SS18: variants seen among roughly 807,000 people sequenced by gnomAD.
SS18 encodes protein SSXT.
In SS18, 28 loss-of-function variants were observed where a neutral mutation model predicts 72.5. That is an observed-to-expected ratio of 0.39 (90% CI 0.29 to 0.53). The LOEUF is 0.53. Ranked by LOEUF, SS18 falls within the 20% of genes least tolerant of loss-of-function variation. The probability of loss-of-function intolerance (pLI) is 0.76; values close to 1 mark genes in which losing one functional copy is unlikely to be tolerated. For synonymous variants in SS18, 172 were observed against 164.2 expected, an observed-to-expected ratio of 1.05 and a Z score of -0.37; for missense variants, 518 against 535.3, an observed-to-expected ratio of 0.97 and a Z score of 0.32.
intron 3 of SS18, among the ~76,000 whole-genome samples, chr18:26,058,175 G>A (rs190838613): frequency 3.5e-4 from 53 of 152,108 alleles, no homozygotes; most frequent in Non-Finnish European, 6.0e-4. Flanking sequence ...ACACTATTTC[G>A]GGGTGGAGGA....
intron 9 of SS18, among the ~76,000 whole-genome samples, chr18:26,033,236 T>C (rs2053573369): frequency 6.6e-6 from 1 of 152,168 alleles, no homozygotes; most frequent in Non-Finnish European, 1.5e-5. Flanking sequence ...TAGTTGGGCT[T>C]GGCGCAGTGG....
At chr18:26,064,888 G>A (rs958781003) in intron 3 of SS18, 5 of 151,812 alleles carry the variant, frequency 3.3e-5, no homozygotes, top group African/African-American at 1.2e-4. Flanking sequence ...TAAACCATTA[G>A]AATAAGTGAA....
chr18:26,023,348 TGA>T (rs1320053416), intron 10 of SS18, among the ~76,000 whole-genome samples: 3 of 152,178 alleles, frequency 2.0e-5, no homozygotes. Context: ...TGACAAAGTC[TGA>T]GATAACACTC....
At chr18:26,021,539 A>G (rs1032419452) in intron 10 of SS18, among the ~76,000 whole-genome samples, 6 of 152,216 alleles carry the variant, frequency 3.9e-5, no homozygotes, top group Non-Finnish European at 8.8e-5. Flanking sequence ...TTTTTAAAAA[A>G]AATTCCTCTG....
intron 2 of SS18, among the ~76,000 whole-genome samples, chr18:26,079,574 C>T: frequency 6.6e-6 from 1 of 151,828 alleles, no homozygotes. Context: ...TTCTTTTGTT[C>T]GTTTTTGGTT....
At chr18:26,087,680 C>T (rs2054640585) in intron 1 of SS18, 103 bp from the exon 2 acceptor site, 3 of 676,232 alleles carry the variant, frequency 4.4e-6, no homozygotes, top group Non-Finnish European at 5.2e-6. Flanking sequence ...ACTGCTTGTA[C>T]AAGAACTCTA....
chr18:26,031,421 C>A (rs1468762724), intron 10 of SS18, among the ~76,000 whole-genome samples: 1 of 152,124 alleles, frequency 6.6e-6, no homozygotes, highest in Non-Finnish European at 1.5e-5. Context: ...CCCTGAAAGC[C>A]TAAACTGCAT....
At chr18:26,083,354 G>A (rs2144172217) in intron 2 of SS18, among the ~76,000 whole-genome samples, 1 of 152,228 alleles carries the variant, frequency 6.6e-6, no homozygotes, top group East Asian at 1.9e-4. Context: ...CCTTGGCTCT[G>A]TGTGGAGTTC....
intron 5 of SS18, among the ~76,000 whole-genome samples, chr18:26,042,354 C>T (rs1050695957): frequency 3.3e-5 from 5 of 152,070 alleles, no homozygotes; most frequent in Admixed American, 2.0e-4. Flanking sequence ...GATGTTAAGA[C>T]GCACTACAAA....
At chr18:26,082,694 C>T (rs1276829236) in intron 2 of SS18, among the ~76,000 whole-genome samples, 1 of 152,164 alleles carries the variant, frequency 6.6e-6, no homozygotes, top group African/African-American at 2.4e-5. Flanking sequence ...AGACCACTGA[C>T]TCATGAGTGT....
Position 26,051,506 on chromosome 18 carries a change from G to A in SS18, c.607+1118C>T, listed in dbSNP as rs574965154. Among the ~76,000 whole-genome samples the A allele has an allele frequency of 5.3e-5, 8 of 152,146 alleles. No homozygotes were observed. The South Asian group carries it at 1.2e-3, about 24-fold the overall frequency. ...TAACTATAGGTTTCTAAGAAGTTAA[G>A]AAGTGTGCCATCATTAATGGAGTTG... is the stretch of plus-strand genomic sequence containing the variant. On this transcript the variant is annotated intron_variant, in intron 5 of 10. Coordinates refer to ENST00000415083, the MANE Select transcript of SS18 (RefSeq NM_001007559.3).
At chr18:26,029,456 G>GT (rs1456045344) in intron 10 of SS18, among the ~76,000 whole-genome samples, 1 of 152,178 alleles carries the variant, frequency 6.6e-6, no homozygotes, top group Admixed American at 6.5e-5. Context: ...AGTGCTAGTT[G>GT]TGACTTTTGA....
rs1555643837 is a variant in SS18 at position 26,027,703 on chromosome 18, A to AAAAAAAAAAAAAGAC, written c.1230+4695_1230+4696insGTCTTTTTTTTTTTT. On this transcript the variant is annotated intron_variant, in intron 10 of 10. Transcript: ENST00000415083. Reference sequence around the variant, plus strand: ...AAAAAAAAAAAAAAAAAAAAAAAAAAAGTCTTTTCAACAAATGACTCTGAG... The same window carrying AAAAAAAAAAAAAGAC: ...AAAAAAAAAAAAAAAAAAAAAAAAAAAAAAAAAAAAAAGACAGTCTTTTCAACAAATGACTCTGAG... 4.0e-5 allele frequency among the ~76,000 whole-genome samples: 5 copies of AAAAAAAAAAAAAGAC among 124,698 alleles called. 1 individual carries two copies. Among genetic ancestry groups the AAAAAAAAAAAAAGAC allele is most frequent in the African/African-American group, 1.8e-4 (5 of 28,006 alleles). The allele number at this position is 124,698 out of a possible 152,430, so 81.8% of individuals were successfully genotyped here.
rs1450746755 is a variant in SS18, at chr18:26,056,406, T to C, written c.385+1183A>G. ...GCAAGAAGCTTTCTCTTGACTACAA[T>C]ATGACTACAAACTGAAAAGCAGTGA... On this transcript the variant is annotated intron_variant, in intron 4 of 10. Coordinates refer to ENST00000415083, the MANE Select transcript of SS18 (RefSeq NM_001007559.3). Among the ~76,000 whole-genome samples the C allele has an allele frequency of 2.6e-5, 4 of 152,236 alleles. No homozygotes were observed. In the East Asian group the frequency reaches 5.8e-4, roughly 22 times the overall value.
chr18:26,050,933 CAAAT>C (rs767968005), intron 5 of SS18, among the ~76,000 whole-genome samples: 2 of 145,230 alleles, frequency 1.4e-5, no homozygotes, highest in African/African-American at 5.6e-5. Flanking sequence ...AATAAATAAA[CAAAT>C]AAAAATTTCC....
At chr18:26,057,498 T>G in intron 4 of SS18, 91 bp downstream of exon 4, 1 of 1,493,258 alleles carries the variant, frequency 6.7e-7, no homozygotes, top group Non-Finnish European at 9.3e-7. Flanking sequence ...AAAGCAGTTT[T>G]GTCATCAACA....
intron 10 of SS18, among the ~76,000 whole-genome samples, chr18:26,028,245 A>G (rs9950810): frequency 0.25 from 37,569 of 152,164 alleles, 8,008 homozygotes; most frequent in African/African-American, 0.57. Flanking sequence ...AAAGTCATGA[A>G]GTGTTATAGC....
chr18:26,061,663 A>G (rs1411989985), intron 3 of SS18, among the ~76,000 whole-genome samples: 1 of 152,142 alleles, frequency 6.6e-6, no homozygotes, highest in Non-Finnish European at 1.5e-5. Flanking sequence ...TAAGACAAAA[A>G]AAAAAGAAAA....
intron 5 of SS18, among the ~76,000 whole-genome samples, chr18:26,046,326 A>G (rs2053823868): frequency 6.9e-6 from 1 of 145,418 alleles, no homozygotes; most frequent in African/African-American, 2.8e-5. Flanking sequence ...CTAATGGTAT[A>G]TATGACGATT....
Sources: gnomAD v4.1 joint callset for allele counts (sites outside exome capture counted in the v4.1 genomes callset) on GRCh38, gnomAD v4.1.1 for gene constraint, MANE v1.5 for transcripts, NCBI Gene and HGNC (gene_info 2026-07-23, HGNC 2026-07-21) for gene names.